KLK10: variants seen among roughly 807,000 people sequenced by gnomAD.
The protein encoded by KLK10 is kallikrein related peptidase 10.
A neutral mutation model predicts 25.7 loss-of-function variants in KLK10; 27 were observed. That is an observed-to-expected ratio of 1.05 (90% CI 0.77 to 1.45). The LOEUF (loss-of-function observed/expected upper bound fraction) is 1.45, where lower values mean the gene tolerates loss of function less well. Ranked by LOEUF, KLK10 falls within the 40% of genes most tolerant of loss-of-function variation. The pLI, the probability that KLK10 is intolerant of heterozygous loss-of-function variation, is 0.00. For missense variants in KLK10, 386 were observed against 370.0 expected, an observed-to-expected ratio of 1.04 and a Z score of -0.35; for synonymous variants, 173 against 160.1, an observed-to-expected ratio of 1.08 and a Z score of -0.61.
rs112553697 is a variant in KLK10, at chr19:51,016,157, C to G, written c.270-1G>C. On this transcript the variant is annotated splice_acceptor_variant, in intron 3 of 5. Transcript: ENST00000358789. LOFTEE classifies it high-confidence loss of function. The stretch of plus-strand genomic sequence containing the variant: ...ATCCCCTACTCGAGCCCACAGTGGC[C>G]TGGGGGAAGGAAGAGGCATGTGAAG... 1 of 1,575,854 alleles carries G rather than the reference C, an allele frequency of 6.3e-7. No individual in the cohort carries two copies. The highest frequency in any genetic ancestry group is 8.6e-7 in the Non-Finnish European group (1 of 1,160,822).
Position 51,019,234 on chromosome 19 carries a change from C to T in KLK10, c.-9-95G>A. 1.3e-6 allele frequency: 1 copy of T among 790,394 alleles called. No individual in the cohort carries two copies. The highest frequency in any genetic ancestry group is 2.0e-6 in the Non-Finnish European group (1 of 501,372). 49.0% of individuals were successfully genotyped at this position (790,394 alleles called of 1,614,324 possible). On this transcript the variant is annotated intron_variant, in intron 1 of 5. Transcript: ENST00000358789. The surrounding 1 kb of genome is among the most constrained non-coding windows in gnomAD (Gnocchi z 4.2). ...TCCGCCCAGCCTGGGCCACCCCAGC[C>T]CGCAAGCACCCTTTTGACCTGCAGC...
intron 3 of KLK10, among the ~76,000 whole-genome samples, 159 bp downstream of exon 3, chr19:51,016,951 G>T (rs980782544): frequency 1.3e-5 from 2 of 152,178 alleles, no homozygotes; most frequent in African/African-American, 4.8e-5. Context: ...CCGCCCCCTG[G>T]CGGCCACAGC....
rs2691257 is a variant in KLK10, at chr19:51,013,391, G to T, written c.*1409C>A. On this transcript the variant is annotated 3_prime_UTR_variant, in exon 6 of 6. Transcript: ENST00000358789. ...CTATATTCAGCTAGCTTATGTTACT[G>T]CTTCAAAGTTCAGGATAAGCTGAGA... 54,271 of 152,076 alleles carry T rather than the reference G, an allele frequency of 0.36. 9,992 individuals carry two copies. Among genetic ancestry groups the T allele is most frequent in the African/African-American group, 0.43 (17,697 of 41,464 alleles). 9.4% of individuals were successfully genotyped at this position (152,076 alleles called of 1,614,324 possible).
chr19:51,018,706 A>T, intron 2 of KLK10: 1 of 297,100 alleles, frequency 3.4e-6, no homozygotes, highest in Non-Finnish European at 6.4e-6. Flanking sequence ...TCCGTCTCAA[A>T]CAAACAAACA....
rs756011777 is a variant in KLK10 at position 51,016,165 on chromosome 19, A to G, written c.270-9T>C. 1.5e-5 allele frequency: 23 copies of G among 1,566,762 alleles called. No homozygotes were observed. The highest frequency in any genetic ancestry group is 2.7e-5 in the African/African-American group (2 of 73,922). On this transcript the variant is annotated splice_polypyrimidine_tract_variant and intron_variant, in intron 3 of 5. Coordinates refer to ENST00000358789, the MANE Select transcript of KLK10 (RefSeq NM_145888.3). ...CTCGAGCCCACAGTGGCCTGGGGGA[A>G]GGAAGAGGCATGTGAAGGCAAACCC...
Position 51,017,140 on chromosome 19 carries a change from C to A in KLK10, c.239G>T (p.Trp80Leu). The change falls in exon 3 of 6, where the codon TGG becomes TTG. Residue 80 changes from tryptophan to leucine, a missense_variant. Transcript: ENST00000358789. ...TCCGCAGTGCGCGGCCGTCAGCACC[C>A]AACTCTGGTCCACCAGGACACCCGC... The part of the protein sequence containing the change: ...HCAGVLVDQS[W>L]VLTAAHCGNK... 6.2e-7 allele frequency: 1 copy of A among 1,611,078 alleles called. No individual in the cohort carries two copies.
chr19:51,017,569 G>A (rs2091346708), intron 2 of KLK10, among the ~76,000 whole-genome samples: 1 of 151,990 alleles, frequency 6.6e-6, no homozygotes, highest in Admixed American at 6.6e-5. Flanking sequence ...CTGGAGAGCT[G>A]GCTAGAACGT....
At chr19:51,015,708 C>T (rs2091317208) in intron 4 of KLK10, 158 bp from the exon 5 acceptor site, 2 of 1,073,396 alleles carry the variant, frequency 1.9e-6, no homozygotes, top group Middle Eastern at 6.1e-4. Flanking sequence ...ACCCAGGAGT[C>T]CAGGCCCCCA....
intron 3 of KLK10, among the ~76,000 whole-genome samples, 168 bp from the exon 4 acceptor site, chr19:51,016,324 AG>A (rs2091328117): frequency 6.6e-6 from 1 of 152,068 alleles, no homozygotes; most frequent in Non-Finnish European, 1.5e-5. Flanking sequence ...TTGAGCTCTG[AG>A]GATCTGTAGG....
chr19:51,014,010 A>C lies in KLK10; in HGVS notation c.*790T>G, dbSNP rs112050668. 6.6e-6 allele frequency: 1 copy of C among 152,632 alleles called. No homozygotes were observed. Among genetic ancestry groups the C allele is most frequent in the African/African-American group, 2.4e-5 (1 of 41,522 alleles). The allele number at this position is 152,632 out of a possible 1,614,324, so 9.5% of individuals were successfully genotyped here. On this transcript the variant is annotated 3_prime_UTR_variant, in exon 6 of 6. Transcript: ENST00000358789. ...AAGCAAGGTGAGGTCCCTTGAGTTC[A>C]GTGGCCTCATGAAGGCAGAGAAGGT...
In KLK10 at chr19:51,014,810, C is replaced by A. The variant is rs753880851; in HGVS notation, c.821G>T (p.Arg274Leu). ...KYMSWINKVIRSN is the reference protein window; with the variant it reads ...KYMSWINKVILSN Reference sequence around the variant, plus strand: ...AGCGTAGCATCTGGATCAGTTGGAGCGTATGACTTTATTGATCCAGGACAT... The same window carrying A: ...AGCGTAGCATCTGGATCAGTTGGAGAGTATGACTTTATTGATCCAGGACAT... The change falls in exon 6 of 6, where the codon CGC (arginine) becomes CTC (leucine). Residue 274 changes from arginine to leucine, a missense_variant. Physicochemically the swap from Arg to Leu is moderately radical, Grantham distance 102. Transcript: ENST00000358789. 6.2e-7 allele frequency: 1 copy of A among 1,613,814 alleles called. No homozygotes were observed. Among genetic ancestry groups the A allele is most frequent in the South Asian group, 1.1e-5 (1 of 91,052 alleles).
At position 51,013,022 on chromosome 19, in the gene KLK10, G is replaced by GGAC. The variant is rs2091284319; in HGVS notation, c.*1775_*1777dup. On this transcript the variant is annotated 3_prime_UTR_variant, in exon 6 of 6. Coordinates refer to ENST00000358789, the MANE Select transcript of KLK10 (RefSeq NM_145888.3). Reference sequence around the variant, plus strand: ...GATAAACATTGTGGAGTGACTAAAGGGACGGGTGAGTTGCCTTTAATAATG... The same window carrying GGAC: ...GATAAACATTGTGGAGTGACTAAAGGGACGACGGGTGAGTTGCCTTTAATAATG... 6.6e-6 allele frequency: 1 copy of GGAC among 152,170 alleles called. No individual in the cohort carries two copies. 9.4% of individuals were successfully genotyped at this position (152,170 alleles called of 1,614,324 possible). A position where few individuals can be genotyped will look rare whatever the true frequency, so the allele number is the denominator to read the frequency against.
In KLK10 at chr19:51,016,108, T is replaced by C. The variant is rs2075688; in HGVS notation, c.318A>G (p.Gly106=). ...AGCGAGTGGTCCGGCGGAGCTGCTC[T>C]CCCTGAAGAAGCAGCAGGTGGTCAT... ...VGDDHLLLLQ[G]EQLRRTTRSV... The change falls in exon 4 of 6, where the codon GGA becomes GGG. Residue 106 remains glycine, a synonymous_variant. Coordinates refer to ENST00000358789, the MANE Select transcript of KLK10 (RefSeq NM_145888.3). 1 of 1,581,058 alleles carries C rather than the reference T, an allele frequency of 6.3e-7. No homozygotes were observed. The highest frequency in any genetic ancestry group is 8.6e-7 in the Non-Finnish European group (1 of 1,163,588).
At chr19:51,016,394 T>A (rs1195539018) in intron 3 of KLK10, among the ~76,000 whole-genome samples, 1 of 151,972 alleles carries the variant, frequency 6.6e-6, no homozygotes, top group Non-Finnish European at 1.5e-5. Flanking sequence ...TTCTTTTCTC[T>A]TTTTCTTTTC....
At chr19:51,014,974 G>T (rs758332152) in intron 5 of KLK10, 22 bp from the exon 6 acceptor site, 11 of 1,607,276 alleles carry the variant, frequency 6.8e-6, no homozygotes, top group African/African-American at 1.3e-5. Flanking sequence ...AGGAAGGAGA[G>T]ATCAAATAAA....
chr19:51,019,305 C>T lies in KLK10; in HGVS notation c.-9-166G>A, dbSNP rs548015218. 1.3e-5 allele frequency among the ~76,000 whole-genome samples: 2 copies of T among 152,338 alleles called. No homozygotes were observed. The highest frequency in any genetic ancestry group is 2.9e-5 in the Non-Finnish European group (2 of 68,034). ...AGACGGGAGATTCGGGCTGGAACAG[C>T]GGTAATGGGCACAATTACCCTAATG... On this transcript the variant is annotated intron_variant, in intron 1 of 5. Coordinates refer to ENST00000358789, the MANE Select transcript of KLK10 (RefSeq NM_145888.3). The surrounding 1 kb of genome is among the most constrained non-coding windows in gnomAD (Gnocchi z 4.2).
intron 2 of KLK10, 50 bp downstream of exon 2, chr19:51,018,993 G>C: frequency 7.5e-7 from 1 of 1,324,792 alleles, no homozygotes; most frequent in South Asian, 1.2e-5. Flanking sequence ...TTCTCCTCCC[G>C]CCCGTGCCTC....
chr19:51,018,916 G>A, intron 2 of KLK10, 127 bp downstream of exon 2: 2 of 727,798 alleles, frequency 2.7e-6, no homozygotes, highest in Non-Finnish European at 4.6e-6. Context: ...GCCGTGCTCC[G>A]GAGCGCTGGG....
In KLK10 at chr19:51,016,070, G is replaced by C. The variant is rs1347425001; in HGVS notation, c.356C>G (p.Pro119Arg). The change falls in exon 4 of 6, where the codon CCC becomes CGC. Residue 119 changes from proline (P) to arginine (R), a missense_variant. Pro to Arg is a moderately radical substitution (Grantham distance 103). Coordinates refer to ENST00000358789, the MANE Select transcript of KLK10 (RefSeq NM_145888.3). Reference protein sequence around the residue: ...LRRTTRSVVHPKYHQGSGPIL... With the variant: ...LRRTTRSVVHRKYHQGSGPIL... ...GGGGCCTGAGCCCTGGTGGTACTTG[G>C]GATGGACAACAGAGCGAGTGGTCCG... 1 of 1,572,558 alleles carries C rather than the reference G, an allele frequency of 6.4e-7. No homozygotes were observed. The highest frequency in any genetic ancestry group is 1.2e-5 in the South Asian group (1 of 85,840).
Sources: allele counts gnomAD v4.1 joint callset (sites outside exome capture counted in the v4.1 genomes callset), GRCh38; gene constraint gnomAD v4.1.1; non-coding constraint Gnocchi (gnomAD v3.1); transcripts MANE v1.5; gene names NCBI Gene and HGNC (gene_info 2026-07-23, HGNC 2026-07-21).